STAU1: variants seen among roughly 807,000 people sequenced by gnomAD.
STAU1 encodes the protein staufen double-stranded RNA binding protein 1, also known as double-stranded RNA-binding protein Staufen homolog 1.
A neutral mutation model predicts 62.9 loss-of-function variants in STAU1; 13 were observed. That is an observed-to-expected ratio of 0.21 (90% CI 0.13 to 0.33). The LOEUF (loss-of-function observed/expected upper bound fraction) is 0.33, where lower values mean the gene tolerates loss of function less well. STAU1 is among the 10% of genes least tolerant of loss of function. STAU1 has a pLI of 1.00. For synonymous variants in STAU1, 269 were observed against 265.1 expected (o/e 1.01, Z -0.14); for missense variants, 571 against 712.1 (o/e 0.80, Z 2.25).
At position 49,158,857 on chromosome 20, in the gene STAU1, C is replaced by G. The variant is rs758905156; in HGVS notation, c.206-4786G>C. 2.0e-5 allele frequency: 20 copies of G among 981,064 alleles called. 1 individual carries two copies. In the East Asian group the frequency reaches 9.4e-4, roughly 46 times the overall value. The allele number at this position is 981,064 out of a possible 1,614,324, so 60.8% of individuals were successfully genotyped here. On this transcript the variant is annotated intron_variant, in intron 3 of 13. Coordinates refer to ENST00000371856, the MANE Select transcript of STAU1 (RefSeq NM_017453.4). ...GCTCATGCCTGTAATCCCAGCAGAT[C>G]GCGCCACTGCACTCCAGCCTGGGCC... is the stretch of plus-strand genomic sequence containing the variant.
chr20:49,183,989 G>A (rs1032538441), intron 1 of STAU1, among the ~76,000 whole-genome samples: 1 of 151,376 alleles, frequency 6.6e-6, no homozygotes, highest in Non-Finnish European at 1.5e-5. Context: ...GAGTGCAATG[G>A]CACGATAACC....
In STAU1 at chr20:49,134,434, G is replaced by A. The variant is rs55838868; in HGVS notation, c.609+1399C>T. On this transcript the variant is annotated intron_variant, in intron 6 of 13. Transcript: ENST00000371856. ...CGACAAGAGTGAAACTCATCTCAGGGAAAAAAAAAAAAAAAGCTCTGGGTT... is the reference window on the plus strand; with the variant it reads ...CGACAAGAGTGAAACTCATCTCAGGAAAAAAAAAAAAAAAAGCTCTGGGTT... 2.5e-3 allele frequency: 1,091 copies of A among 435,222 alleles called. 29 individuals carry two copies. The highest frequency in any genetic ancestry group is 7.9e-3 in the African/African-American group (310 of 39,084). The allele number at this position is 435,222 out of a possible 1,614,324, so 27.0% of individuals were successfully genotyped here.
intron 1 of STAU1, 50 bp downstream of exon 1, chr20:49,188,066 G>A (rs1279071733): frequency 1.1e-4 from 17 of 151,418 alleles, no homozygotes; most frequent in Admixed American, 1.1e-3. Context: ...CCCCACCGCG[G>A]CGGCGCCCGC....
At chr20:49,116,209 A>C (rs919350242) in intron 12 of STAU1, among the ~76,000 whole-genome samples, 2 of 152,218 alleles carry the variant, frequency 1.3e-5, no homozygotes, top group African/African-American at 4.8e-5. Flanking sequence ...TAAGTTGCCC[A>C]GGCTGGTCTC....
chr20:49,165,123 C>T (rs192581704), intron 3 of STAU1, among the ~76,000 whole-genome samples: 67 of 152,288 alleles, frequency 4.4e-4, no homozygotes, highest in African/African-American at 1.6e-3. Flanking sequence ...CAGCTCACTA[C>T]AACCTCTGCC....
At chr20:49,164,965 G>C (rs1480207187) in intron 3 of STAU1, among the ~76,000 whole-genome samples, 1 of 152,150 alleles carries the variant, frequency 6.6e-6, no homozygotes, top group Non-Finnish European at 1.5e-5. Context: ...CCTTGCTTGG[G>C]ATAAAATCTT....
At chr20:49,128,904 A>G (rs2092692002) in intron 6 of STAU1, among the ~76,000 whole-genome samples, 1 of 152,114 alleles carries the variant, frequency 6.6e-6, no homozygotes, top group Admixed American at 6.5e-5. Flanking sequence ...ACTTTAGGTT[A>G]GCCAAATGTA....
chr20:49,176,967 A>G (rs1466600667), intron 1 of STAU1, among the ~76,000 whole-genome samples: 2 of 149,588 alleles, frequency 1.3e-5, no homozygotes, highest in African/African-American at 2.5e-5. Flanking sequence ...GCTGGAGTGC[A>G]ATGGCGTGAT....
chr20:49,127,619 A>T (rs148655902), intron 6 of STAU1, among the ~76,000 whole-genome samples: 1,794 of 151,558 alleles, frequency 0.012, 40 homozygotes, highest in African/African-American at 0.04. Flanking sequence ...CACAGGAGAA[A>T]TGCTTGAACC....
intron 5 of STAU1, among the ~76,000 whole-genome samples, chr20:49,146,697 C>T (rs1684480942): frequency 6.6e-6 from 1 of 150,816 alleles, no homozygotes; most frequent in Non-Finnish European, 1.5e-5. Context: ...AGAGTGAGAC[C>T]CTATCTCCAA....
intron 5 of STAU1, among the ~76,000 whole-genome samples, chr20:49,144,284 C>A (rs35792234): frequency 0.03 from 1,924 of 63,538 alleles, 19 homozygotes; most frequent in Non-Finnish European, 0.043. Flanking sequence ...TGTTGTCACA[C>A]GTACTTTTTT....
rs144545012 is a variant in STAU1, at chr20:49,170,482, C to A, written c.-85+3713G>T. Among the ~76,000 whole-genome samples the A allele has an allele frequency of 5.8e-3, 886 of 152,124 alleles. 12 individuals carry two copies. The highest frequency in any genetic ancestry group is 0.02 in the African/African-American group (832 of 41,502). ...TCTCCTGTGTCAGCCTCCCGAGTAGCGGGAACTACAGGTGTGTACCACCAC... is the reference window on the plus strand; with the variant it reads ...TCTCCTGTGTCAGCCTCCCGAGTAGAGGGAACTACAGGTGTGTACCACCAC... On this transcript the variant is annotated intron_variant, in intron 2 of 13. Coordinates refer to ENST00000371856, the MANE Select transcript of STAU1 (RefSeq NM_017453.4).
chr20:49,158,928 T>TAAATAAAC (rs1263486622), intron 3 of STAU1: 1 of 1,249,312 alleles, frequency 8.0e-7, no homozygotes, highest in East Asian at 6.0e-5. Flanking sequence ...AATAAATAAA[T>TAAATAAAC]AATCCTTTAC....
At chr20:49,134,268 C>T (rs1366540060) in intron 6 of STAU1, among the ~76,000 whole-genome samples, 1 of 151,808 alleles carries the variant, frequency 6.6e-6, no homozygotes, top group African/African-American at 2.4e-5. Flanking sequence ...CCCGTTTCTA[C>T]TAAAAATACA....
At chr20:49,165,768 C>T (rs1317515168) in intron 3 of STAU1, among the ~76,000 whole-genome samples, 1 of 152,204 alleles carries the variant, frequency 6.6e-6, no homozygotes, top group African/African-American at 2.4e-5. Flanking sequence ...GAGTAGTTTT[C>T]AGCTTTCAAT....
At chr20:49,171,195 A>T (rs2093592277) in intron 2 of STAU1, among the ~76,000 whole-genome samples, 1 of 152,264 alleles carries the variant, frequency 6.6e-6, no homozygotes, top group African/African-American at 2.4e-5. Context: ...GTCAATTAAA[A>T]AACATCAAGG....
At chr20:49,204,621 TATGTGTATATATATATATA>T in the STAU1 span, among the ~76,000 whole-genome samples, 63 of 48,638 alleles carry the variant, frequency 1.3e-3, no homozygotes, top group South Asian at 4.9e-3. Context: ...TATATATATA[TATGTGTATATATATATATA>T]TATATATTTT....
chr20:49,131,886 GT>G (rs2092758852), intron 6 of STAU1, among the ~76,000 whole-genome samples: 3 of 151,838 alleles, frequency 2.0e-5, no homozygotes, highest in Admixed American at 2.0e-4. Context: ...AGCAAATATG[GT>G]AAAATGTTAA....
At chr20:49,172,295 G>A (rs1385802901) in intron 2 of STAU1, among the ~76,000 whole-genome samples, 1 of 152,132 alleles carries the variant, frequency 6.6e-6, no homozygotes, top group East Asian at 1.9e-4. Context: ...AAAACTATAA[G>A]CCTTATTTTC....
Sources: allele counts gnomAD v4.1 joint callset (sites outside exome capture counted in the v4.1 genomes callset), GRCh38; gene constraint gnomAD v4.1.1; transcripts MANE v1.5; gene names NCBI Gene and HGNC (gene_info 2026-07-23, HGNC 2026-07-21).